Variants in SNTG2 observed in about 807,000 individuals in gnomAD.
The protein encoded by SNTG2 is gamma-2-syntrophin.
SNTG2 carries 74 observed loss-of-function variants against 70.9 expected under a neutral mutation model. That is an observed-to-expected ratio of 1.04 (90% CI 0.86 to 1.27). The LOEUF (loss-of-function observed/expected upper bound fraction) is 1.27. SNTG2 is among the 50% of genes most tolerant of loss of function. The pLI is 0.00. For synonymous variants in SNTG2, 278 were observed against 273.8 expected (o/e 1.02, Z -0.15); for missense variants, 717 against 690.7 (o/e 1.04, Z -0.43).
chr2:970,686 G>C (rs1323931776), intron 1 of SNTG2, among the ~76,000 whole-genome samples: 35 of 147,310 alleles, frequency 2.4e-4, no homozygotes, highest in African/African-American at 7.6e-4. Flanking sequence ...CATTTGGGTT[G>C]GTTCCAAGTC....
intron 14 of SNTG2, among the ~76,000 whole-genome samples, chr2:1,274,648 G>C (rs1293478734): frequency 3.9e-5 from 6 of 151,950 alleles, no homozygotes; most frequent in Non-Finnish European, 5.9e-5. Flanking sequence ...GGATGATTCT[G>C]CCCTGGATTT....
chr2:1,038,966 C>A (rs1661282434), intron 1 of SNTG2, among the ~76,000 whole-genome samples: 1 of 152,182 alleles, frequency 6.6e-6, no homozygotes. Context: ...AGAACAACAT[C>A]TTTATTGAAA....
intron 1 of SNTG2, among the ~76,000 whole-genome samples, chr2:1,061,664 C>T (rs1467808600): frequency 6.6e-6 from 1 of 152,298 alleles, no homozygotes; most frequent in Middle Eastern, 3.4e-3. Flanking sequence ...GTGTCCTGCT[C>T]GTCTCTGAGT....
chr2:1,170,061 A>C (rs1468291616), intron 7 of SNTG2, among the ~76,000 whole-genome samples: 1 of 152,142 alleles, frequency 6.6e-6, no homozygotes, highest in African/African-American at 2.4e-5. Flanking sequence ...GCAGAAATCC[A>C]CCGAGCAGCT....
intron 1 of SNTG2, among the ~76,000 whole-genome samples, chr2:1,006,079 A>G (rs1321418271): frequency 6.7e-6 from 1 of 148,810 alleles, no homozygotes; most frequent in Admixed American, 6.8e-5. Flanking sequence ...CAAAAAACCA[A>G]ACACCGCATA....
chr2:1,327,609 T>G (rs1681813559), intron 16 of SNTG2, among the ~76,000 whole-genome samples: 1 of 152,212 alleles, frequency 6.6e-6, no homozygotes, highest in South Asian at 2.1e-4. Context: ...ATCCAGCCAT[T>G]GTGTCAAGTT....
At chr2:1,071,160 CA>C (rs772416244) in intron 1 of SNTG2, among the ~76,000 whole-genome samples, 97 of 152,186 alleles carry the variant, frequency 6.4e-4, no homozygotes, top group Non-Finnish European at 9.9e-4. Context: ...GGTATATACC[CA>C]AATGACTATA....
At chr2:1,212,722 T>C (rs1004268142) in intron 9 of SNTG2, among the ~76,000 whole-genome samples, 4 of 152,196 alleles carry the variant, frequency 2.6e-5, no homozygotes, top group African/African-American at 9.6e-5. Context: ...GAGATGCTGT[T>C]CTTAGCTCCA....
intron 1 of SNTG2, among the ~76,000 whole-genome samples, chr2:1,037,005 C>T (rs991940588): frequency 6.6e-6 from 1 of 152,202 alleles, no homozygotes; most frequent in African/African-American, 2.4e-5. Flanking sequence ...GTGGACTCAG[C>T]TCCCAGGGGC....
intron 1 of SNTG2, among the ~76,000 whole-genome samples, chr2:1,019,811 G>A (rs1660058188): frequency 6.6e-6 from 1 of 152,142 alleles, no homozygotes; most frequent in African/African-American, 2.4e-5. Flanking sequence ...CACTTTGGGA[G>A]GCCGAGGCAG....
intron 8 of SNTG2, among the ~76,000 whole-genome samples, chr2:1,198,689 G>A (rs917991196): frequency 6.6e-6 from 1 of 151,906 alleles, no homozygotes; most frequent in Non-Finnish European, 1.5e-5. Flanking sequence ...AATAAAATTA[G>A]AAACAAAAAA....
At chr2:1,063,788 TAAAG>T (rs1397111726) in intron 1 of SNTG2, among the ~76,000 whole-genome samples, 3 of 152,200 alleles carry the variant, frequency 2.0e-5, no homozygotes, top group East Asian at 1.9e-4. Context: ...GTGCATTAAA[TAAAG>T]AAAAAACTTT....
chr2:1,156,044 A>G (rs1669873590), intron 6 of SNTG2, among the ~76,000 whole-genome samples: 3 of 152,202 alleles, frequency 2.0e-5, no homozygotes, highest in African/African-American at 7.2e-5. Flanking sequence ...CAACAGCAAG[A>G]GACCAAGGGG....
At chr2:1,277,695 C>T (rs1679323895) in intron 14 of SNTG2, among the ~76,000 whole-genome samples, 1 of 152,196 alleles carries the variant, frequency 6.6e-6, no homozygotes, top group African/African-American at 2.4e-5. Flanking sequence ...CACATCCAAA[C>T]CATAGCAGGG....
intron 1 of SNTG2, among the ~76,000 whole-genome samples, chr2:1,063,691 A>T (rs557677872): frequency 6.6e-6 from 1 of 152,246 alleles, no homozygotes; most frequent in Non-Finnish European, 1.5e-5. Context: ...TTAACTGAAG[A>T]GTGGACACAA....
intron 11 of SNTG2, among the ~76,000 whole-genome samples, chr2:1,241,722 T>C (rs764130084): frequency 2.0e-5 from 3 of 152,180 alleles, no homozygotes; most frequent in Non-Finnish European, 4.4e-5. Flanking sequence ...CAGTTTCCGC[T>C]ATGGAGCACA....
chr2:1,311,346 C>T (rs1442610219), intron 15 of SNTG2, among the ~76,000 whole-genome samples: 1 of 152,130 alleles, frequency 6.6e-6, no homozygotes, highest in African/African-American at 2.4e-5. Context: ...CTTGTTGAGT[C>T]CATTCAGACA....
In SNTG2 at chr2:1,367,434, A is replaced by G; in HGVS notation, c.1580A>G (p.Asp527Gly). ...GCCTCCGTGGACCCCGGCTTCATGG[A>G]CAGTCAGAGTCTTGCCAGAAAATAC... ...KVASVDPGFM[D>G]SQSLARKYMY... The change falls in exon 17 of 17, where the codon GAC becomes GGC. Residue 527 changes from aspartate (D) to glycine (G), a missense_variant. Asp to Gly is a moderately conservative substitution (Grantham distance 94). Transcript: ENST00000308624. The G allele has an allele frequency of 6.4e-7, 1 of 1,551,734 alleles. No individual in the cohort carries two copies. Among genetic ancestry groups the G allele is most frequent in the Non-Finnish European group, 8.7e-7 (1 of 1,147,006 alleles).
intron 8 of SNTG2, among the ~76,000 whole-genome samples, chr2:1,189,275 C>A (rs989345349): frequency 1.3e-5 from 2 of 151,924 alleles, no homozygotes; most frequent in Non-Finnish European, 2.9e-5. Flanking sequence ...GATAGAAAAA[C>A]CTCAATATCC....
Sources: gnomAD v4.1 joint callset for allele counts (sites outside exome capture counted in the v4.1 genomes callset) on GRCh38, gnomAD v4.1.1 for gene constraint, MANE v1.5 for transcripts, NCBI Gene and HGNC (gene_info 2026-07-23, HGNC 2026-07-21) for gene names.